Variants in NPC1 observed in about 807,000 individuals in gnomAD.
The protein encoded by NPC1 is NPC intracellular cholesterol transporter 1, also known as Niemann-Pick C1 protein.
In NPC1, 85 loss-of-function variants were observed where a neutral mutation model predicts 140.4. That is an observed-to-expected ratio of 0.61 (90% CI 0.51 to 0.72). The LOEUF (loss-of-function observed/expected upper bound fraction) is 0.72, where lower values mean the gene tolerates loss of function less well. Ranked by LOEUF, NPC1 falls within the 30% of genes least tolerant of loss-of-function variation. NPC1 has a pLI of 0.00. For synonymous variants in NPC1, 656 were observed against 624.8 expected (o/e 1.05, Z -0.74); for missense variants, 1,504 against 1,623.8 (o/e 0.93, Z 1.27).
downstream of NPC1, chr18:23,519,181 GCTGT>G (rs757657866): frequency 3.7e-6 from 6 of 1,610,648 alleles, no homozygotes; most frequent in Admixed American, 6.7e-5. Context: ...AGAGGTACAA[GCTGT>G]CTGCGTTTCT....
In NPC1 at chr18:23,579,738, A is replaced by T. The variant is rs374661400; in HGVS notation, c.58-6164T>A. ...ACCCCGTCTCTACTAAAAATACAAA[A>T]AATTAGCCGGGCATGGTGGCAGGTG... On this transcript the variant is annotated intron_variant, in intron 1 of 24. Coordinates refer to ENST00000269228, the MANE Select transcript of NPC1 (RefSeq NM_000271.5). Among the ~76,000 whole-genome samples, 113 of 152,222 alleles carry T rather than the reference A, an allele frequency of 7.4e-4. No individual in the cohort carries two copies. In the East Asian group the frequency reaches 0.012, roughly 17 times the overall value.
At chr18:23,565,066 T>C (rs2059103547) in intron 4 of NPC1, among the ~76,000 whole-genome samples, 1 of 152,242 alleles carries the variant, frequency 6.6e-6, no homozygotes, top group Non-Finnish European at 1.5e-5. Flanking sequence ...TTGATTTCCA[T>C]TGCTTAGTTT....
chr18:23,560,306 T>C lies in NPC1; in HGVS notation c.806A>G (p.Tyr269Cys), dbSNP rs774575182. ...CATGTAGGTGATCCACATGATGACA[T>C]ACATGGCGTCCAAGCCAAGGATCGT... ...PWTILGLDAM[Y>C]VIMWITYMAF... The change falls in exon 6 of 25, where the codon TAT becomes TGT. Residue 269 changes from tyrosine to cysteine, a missense_variant. Transcript: ENST00000269228. 9 of 1,614,020 alleles carry C rather than the reference T, an allele frequency of 5.6e-6. No homozygotes were observed. Among genetic ancestry groups the C allele is most frequent in the Non-Finnish European group, 6.8e-6 (8 of 1,180,036 alleles).
At chr18:23,526,388 G>C (rs1298288105), downstream of NPC1, among the ~76,000 whole-genome samples, 1 of 152,180 alleles carries the variant, frequency 6.6e-6, no homozygotes, top group Non-Finnish European at 1.5e-5. Flanking sequence ...TGAATGCAGA[G>C]GTTACTTGGA....
At chr18:23,529,876 C>A, downstream of NPC1, 1 of 1,033,416 alleles carries the variant, frequency 9.7e-7, no homozygotes, top group South Asian at 1.5e-5. Flanking sequence ...AGTGTAAGGT[C>A]AAGTTGGGGT....
Position 23,545,140 on chromosome 18 carries a change from A to C in NPC1, c.1767T>G (p.Asn589Lys), listed in dbSNP as rs1453766779. The C allele has an allele frequency of 6.2e-7, 1 of 1,609,120 alleles. No individual in the cohort carries two copies. Among genetic ancestry groups the C allele is most frequent in the Non-Finnish European group, 8.5e-7 (1 of 1,175,408 alleles). Residue 589 changes from asparagine to lysine, a missense_variant, in exon 12 of 25, where the codon AAT (asparagine) becomes AAG (lysine). Transcript: ENST00000269228. ...RAQAWEKEFINFVKNYKNPNL... is the reference protein window; with the variant it reads ...RAQAWEKEFIKFVKNYKNPNL... ...TGGGATTCTTGTAGTTTTTCACAAA[A>C]TTAATAAACCTAAAAGGTAAGCAAA... is the stretch of plus-strand genomic sequence containing the variant.
At chr18:23,555,636 G>A (rs1181326252) in intron 8 of NPC1, among the ~76,000 whole-genome samples, 2 of 152,322 alleles carry the variant, frequency 1.3e-5, no homozygotes, top group South Asian at 2.1e-4. Flanking sequence ...TTTATGCACA[G>A]GTACAGTTCT....
At chr18:23,530,258 C>A, downstream of NPC1, 1 of 1,614,218 alleles carries the variant, frequency 6.2e-7, no homozygotes, top group East Asian at 2.2e-5. Context: ...TAGAGAGTTT[C>A]TATCCTCCTG....
rs10221356 is a variant in NPC1 at position 23,509,111 on chromosome 18, T to C, written c.432-2469A>G. The C allele has an allele frequency of 9.9e-4, 455 of 461,506 alleles. 3 individuals carry two copies. Among genetic ancestry groups the C allele is most frequent in the African/African-American group, 8.6e-3 (422 of 49,252 alleles). 28.6% of individuals were successfully genotyped at this position (461,506 alleles called of 1,614,324 possible). ...GAACGTTCATTAAAGAATGACAAACTGCAGAGTTTGTGAAGCTTTTGAAGA... is the reference window on the plus strand; with the variant it reads ...GAACGTTCATTAAAGAATGACAAACCGCAGAGTTTGTGAAGCTTTTGAAGA... On this transcript the variant is annotated intron_variant, in intron 3 of 3. Transcript: ENST00000591107.
chr18:23,554,211 C>A (rs901719992), intron 9 of NPC1, among the ~76,000 whole-genome samples: 1 of 152,112 alleles, frequency 6.6e-6, no homozygotes, highest in Non-Finnish European at 1.5e-5. Context: ...AAGCAATGCA[C>A]CCCCCACTCT....
intron 10 of NPC1, among the ~76,000 whole-genome samples, chr18:23,550,060 G>A (rs2058846730): frequency 6.6e-6 from 1 of 151,260 alleles, no homozygotes; most frequent in Non-Finnish European, 1.5e-5. Flanking sequence ...CTGTCACCCA[G>A]GCTGGAATGT....
intron 1 of NPC1, chr18:23,524,226 TCA>T (rs774004980): frequency 1.9e-6 from 3 of 1,601,516 alleles, no homozygotes; most frequent in Admixed American, 1.7e-5. Context: ...GTGGTCACCC[TCA>T]GAGAGTGGTC....
At chr18:23,523,086 G>A (rs3786409) in intron 1 of NPC1, among the ~76,000 whole-genome samples, 19,549 of 152,098 alleles carry the variant, frequency 0.13, 2,511 homozygotes, top group African/African-American at 0.33. Flanking sequence ...GGTGAGGGCT[G>A]TGCACTCGGC....
At chr18:23,526,562 G>T, downstream of NPC1, 1 of 1,565,326 alleles carries the variant, frequency 6.4e-7, no homozygotes. Context: ...CCCCGCAGAT[G>T]TTTAGGGGAA....
Position 23,545,237 on chromosome 18 carries a change from C to CTTT in NPC1, c.1758-89_1758-88insAAA, listed in dbSNP as rs2058772545. 5 of 1,002,836 alleles carry CTTT rather than the reference C, an allele frequency of 5.0e-6. No individual in the cohort carries two copies. The African/African-American group carries it at 8.0e-5, about 16-fold the overall frequency. The allele number at this position is 1,002,836 out of a possible 1,614,324, so 62.1% of individuals were successfully genotyped here. On this transcript the variant is annotated intron_variant, in intron 11 of 24. Coordinates refer to ENST00000269228, the MANE Select transcript of NPC1 (RefSeq NM_000271.5). ...CTCCCTAACTTTCACGATACAAAGG[C>CTTT]CACGTTTTCTTTTTTTTGGTTTTGA... is the stretch of plus-strand genomic sequence containing the variant.
At chr18:23,561,573 T>C in intron 4 of NPC1, 46 bp from the exon 5 acceptor site, 1 of 1,596,350 alleles carries the variant, frequency 6.3e-7, no homozygotes, top group Non-Finnish European at 8.6e-7. Context: ...ATGCTTGCTG[T>C]AATTCACGAG....
At position 23,539,966 on chromosome 18, in the gene NPC1, A is replaced by G; in HGVS notation, c.2640T>C (p.Ser880=). The change falls in exon 18 of 25, where the codon AGT becomes AGC. Residue 880 remains serine, a synonymous_variant. Coordinates refer to ENST00000269228, the MANE Select transcript of NPC1 (RefSeq NM_000271.5). ...SYMVDYFKSI[S]QYLHAGPPVY... Reference sequence around the variant, plus strand: ...CAGGCGGACCCGCATGCAGGTACTGACTGATGGATTTGAAATAATCCACCA... The same window carrying G: ...CAGGCGGACCCGCATGCAGGTACTGGCTGATGGATTTGAAATAATCCACCA... 1 of 1,614,230 alleles carries G rather than the reference A, an allele frequency of 6.2e-7. No individual in the cohort carries two copies. Among genetic ancestry groups the G allele is most frequent in the Non-Finnish European group, 8.5e-7 (1 of 1,180,032 alleles).
At chr18:23,572,371 G>C (rs1422104750) in intron 2 of NPC1, among the ~76,000 whole-genome samples, 191 bp from the exon 3 acceptor site, 1 of 152,186 alleles carries the variant, frequency 6.6e-6, no homozygotes, top group African/African-American at 2.4e-5. Context: ...TTCACAAGTA[G>C]AGATGTTTCT....
At chr18:23,540,578 A>T in intron 16 of NPC1, 41 bp from the exon 17 acceptor site, 3 of 1,339,086 alleles carry the variant, frequency 2.2e-6, no homozygotes, top group South Asian at 1.2e-5. Flanking sequence ...ACTGCTTAGT[A>T]AATAAGCTTA....
Sources: allele counts gnomAD v4.1 joint callset (sites outside exome capture counted in the v4.1 genomes callset), GRCh38; gene constraint gnomAD v4.1.1; transcripts MANE v1.5; gene names NCBI Gene and HGNC (gene_info 2026-07-23, HGNC 2026-07-21).